PXDNL: variants seen among roughly 807,000 people sequenced by gnomAD.
PXDNL encodes the protein peroxidasin like.
PXDNL carries 145 observed loss-of-function variants against 150.8 expected under a neutral mutation model. The ratio of observed to expected loss-of-function variants is 0.96; its 90% CI spans 0.84 to 1.10. The LOEUF is 1.10. Ranked by LOEUF, PXDNL falls within the 50% of genes least tolerant of loss-of-function variation. The pLI, the probability that PXDNL is intolerant of heterozygous loss-of-function variation, is 0.00. For missense variants in PXDNL, 2,087 were observed against 1,873.9 expected, an observed-to-expected ratio of 1.11 and a Z score of -2.10; for synonymous variants, 757 against 725.7, an observed-to-expected ratio of 1.04 and a Z score of -0.69.
At chr8:51,616,461 A>AAC (rs968422640) in intron 2 of PXDNL, among the ~76,000 whole-genome samples, 7 of 152,106 alleles carry the variant, frequency 4.6e-5, no homozygotes, top group South Asian at 2.1e-4. Flanking sequence ...AATACACAGA[A>AAC]ACACACACAC....
At chr8:51,802,635 T>C (rs1014371797) in intron 1 of PXDNL, among the ~76,000 whole-genome samples, 1 of 152,250 alleles carries the variant, frequency 6.6e-6, no homozygotes. Context: ...TTGTGGCTAC[T>C]CTGTTGCCTG....
chr8:51,540,972 A>G (rs543710312), intron 4 of PXDNL, among the ~76,000 whole-genome samples: 47 of 150,912 alleles, frequency 3.1e-4, no homozygotes, highest in Non-Finnish European at 6.5e-4. Context: ...AGAATATTGG[A>G]CTTTCAGCTG....
At chr8:51,557,730 T>C (rs4400373) in intron 3 of PXDNL, among the ~76,000 whole-genome samples, 42,397 of 151,844 alleles carry the variant, frequency 0.28, 7,460 homozygotes, top group African/African-American at 0.49. Flanking sequence ...ACCTACTCAA[T>C]CGGACTCTCT....
intron 19 of PXDNL, among the ~76,000 whole-genome samples, chr8:51,349,567 C>A (rs775959715): frequency 6.6e-6 from 1 of 152,194 alleles, no homozygotes; most frequent in South Asian, 2.1e-4. Context: ...TCCTACCTAC[C>A]GGTTAATCCT....
At chr8:51,662,117 G>T (rs945963859) in intron 1 of PXDNL, among the ~76,000 whole-genome samples, 4 of 152,168 alleles carry the variant, frequency 2.6e-5, no homozygotes, top group Non-Finnish European at 5.9e-5. Context: ...TAAAGTGCTT[G>T]TTCACAAAGT....
chr8:51,521,139 G>C (rs1379846771), intron 4 of PXDNL, among the ~76,000 whole-genome samples: 1 of 152,136 alleles, frequency 6.6e-6, no homozygotes, highest in African/African-American at 2.4e-5. Context: ...CTACCTGGGA[G>C]GATGAGGTGG....
At chr8:51,667,295 T>C (rs1427888753) in intron 1 of PXDNL, among the ~76,000 whole-genome samples, 1 of 152,168 alleles carries the variant, frequency 6.6e-6, no homozygotes, top group Non-Finnish European at 1.5e-5. Flanking sequence ...GTCACTGTGT[T>C]CATTCAACAA....
intron 3 of PXDNL, among the ~76,000 whole-genome samples, chr8:51,576,277 C>T (rs1214526491): frequency 6.7e-6 from 1 of 149,256 alleles, no homozygotes; most frequent in African/African-American, 2.5e-5. Context: ...CAAGATAGAT[C>T]ATGTCCTGAG....
At chr8:51,500,452 C>T (rs898826352) in intron 4 of PXDNL, among the ~76,000 whole-genome samples, 1 of 152,180 alleles carries the variant, frequency 6.6e-6, no homozygotes, top group African/African-American at 2.4e-5. Context: ...TTCAGAAATC[C>T]TGTGATGAAA....
intron 14 of PXDNL, among the ~76,000 whole-genome samples, chr8:51,423,234 G>A (rs1017274511): frequency 3.3e-5 from 5 of 152,086 alleles, no homozygotes; most frequent in Non-Finnish European, 5.9e-5. Flanking sequence ...AGTACATGTT[G>A]AATTCCATAT....
At chr8:51,423,875 T>G (rs1809021098) in intron 13 of PXDNL, 144 bp from the exon 14 acceptor site, 2 of 600,002 alleles carry the variant, frequency 3.3e-6, no homozygotes, top group Non-Finnish European at 5.2e-6. Context: ...GATACATGAA[T>G]CTAGTGGAGA....
chr8:51,329,145 A>G (rs961362797), intron 21 of PXDNL, among the ~76,000 whole-genome samples: 6 of 152,204 alleles, frequency 3.9e-5, no homozygotes, highest in Admixed American at 2.0e-4. Context: ...CTCAGAACAT[A>G]AGCCCACTAG....
intron 2 of PXDNL, among the ~76,000 whole-genome samples, chr8:51,604,270 C>T (rs1268798350): frequency 6.6e-6 from 1 of 152,102 alleles, no homozygotes; most frequent in East Asian, 1.9e-4. Context: ...CAACAATAGA[C>T]TGGATTAAGA....
chr8:51,368,059 G>C (rs966349325), intron 19 of PXDNL, among the ~76,000 whole-genome samples: 5 of 152,074 alleles, frequency 3.3e-5, no homozygotes, highest in African/African-American at 1.2e-4. Flanking sequence ...ACCCGGGAGG[G>C]AGAGGTTGCA....
intron 5 of PXDNL, among the ~76,000 whole-genome samples, chr8:51,485,871 C>G (rs1169349049): frequency 6.6e-6 from 1 of 152,216 alleles, no homozygotes; most frequent in African/African-American, 2.4e-5. Context: ...AATTCTCATT[C>G]TCTACCACAA....
chr8:51,391,229 T>C (rs7386346), intron 17 of PXDNL, among the ~76,000 whole-genome samples: 85,576 of 151,908 alleles, frequency 0.56, 27,886 homozygotes, highest in Non-Finnish European at 0.71. Context: ...TATAGCAGCA[T>C]GATTTATAGT....
At chr8:51,718,567 A>G (rs1252790622) in intron 1 of PXDNL, among the ~76,000 whole-genome samples, 1 of 152,196 alleles carries the variant, frequency 6.6e-6, no homozygotes, top group Non-Finnish European at 1.5e-5. Context: ...ATTTTCATAC[A>G]TTGCCCTAAA....
chr8:51,447,022 G>C lies in PXDNL; in HGVS notation c.1507C>G (p.Leu503Val), dbSNP rs527672587. 2.5e-6 allele frequency: 4 copies of C among 1,613,764 alleles called. No homozygotes were observed. The highest frequency in any genetic ancestry group is 3.4e-6 in the Non-Finnish European group (4 of 1,179,860). ...ATATTACCTTTGGGTTTTACAGTCA[G>C]CTGCACAGACACCTTTTTCACCCCC... is the stretch of plus-strand genomic sequence containing the variant. ...SLGVKKVSVQ[L>V]TVKPKALAVF... The change falls in exon 12 of 23, where the codon CTG (leucine) becomes GTG (valine). Residue 503 changes from leucine (L) to valine (V), a missense_variant. Leu to Val is a conservative substitution (Grantham distance 32, BLOSUM62 1). Coordinates refer to ENST00000356297, the MANE Select transcript of PXDNL (RefSeq NM_144651.5).
At chr8:51,422,430 A>T (rs989325254) in intron 14 of PXDNL, among the ~76,000 whole-genome samples, 2 of 152,208 alleles carry the variant, frequency 1.3e-5, no homozygotes, top group African/African-American at 4.8e-5. Flanking sequence ...CAGAATATGT[A>T]AGTGGAAGAA....
Sources: allele counts gnomAD v4.1 joint callset (sites outside exome capture counted in the v4.1 genomes callset), GRCh38; gene constraint gnomAD v4.1.1; transcripts MANE v1.5; gene names NCBI Gene and HGNC (gene_info 2026-07-23, HGNC 2026-07-21).